Variants in AADAT observed in about 807,000 individuals in gnomAD.
The protein encoded by AADAT is kynurenine/alpha-aminoadipate aminotransferase, mitochondrial.
AADAT carries 25 observed loss-of-function variants against 56.2 expected under a neutral mutation model. That is an observed-to-expected ratio of 0.44 (90% CI 0.32 to 0.62). The LOEUF is 0.62. Among genes scored for constraint, AADAT ranks in the 20% least tolerant of loss-of-function variants. The pLI, the probability that AADAT is intolerant of heterozygous loss-of-function variation, is 0.04. For missense variants in AADAT, 387 were observed against 510.5 expected (o/e 0.76, Z 2.33); for synonymous variants, 173 against 164.7 (o/e 1.05, Z -0.39).
At chr4:170,088,172 T>G (rs1732652109) in intron 2 of AADAT, among the ~76,000 whole-genome samples, 1 of 151,928 alleles carries the variant, frequency 6.6e-6, no homozygotes, top group Admixed American at 6.6e-5. Context: ...CTGTTCTTAA[T>G]TATCCTTTGA....
Position 170,060,901 on chromosome 4 carries a change from C to A in AADAT, c.*27G>T. On this transcript the variant is annotated 3_prime_UTR_variant, in exon 13 of 13. Transcript: ENST00000337664. ...AAGTGCTGGGATTATAGGTGTGAGC[C>A]ACCATGCCCAACCTAGTTTAATTTC... The A allele has an allele frequency of 6.5e-7, 1 of 1,535,696 alleles. No individual in the cohort carries two copies. The highest frequency in any genetic ancestry group is 1.2e-5 in the South Asian group (1 of 82,782).
intron 4 of AADAT, 117 bp downstream of exon 4, chr4:170,078,391 TA>T (rs1384243348): frequency 1.8e-6 from 1 of 551,870 alleles, no homozygotes; most frequent in Non-Finnish European, 3.0e-6. Flanking sequence ...GTGGACAGAT[TA>T]TTTTAAAGTT....
rs76355601 is a variant in AADAT, at chr4:170,074,018, G to T, written c.445-673C>A. Among the ~76,000 whole-genome samples, 196 of 152,230 alleles carry T rather than the reference G, an allele frequency of 1.3e-3. 5 individuals are homozygous for T. The East Asian group carries it at 0.037, about 28-fold the overall frequency. On this transcript the variant is annotated intron_variant, in intron 4 of 12. Coordinates refer to ENST00000337664, the MANE Select transcript of AADAT (RefSeq NM_016228.4). ...CTGCTCTAAGATTGACCATGTTTCAGATAGAGATTGCTTCTGTCAATCTGG... is the reference window on the plus strand; with the variant it reads ...CTGCTCTAAGATTGACCATGTTTCATATAGAGATTGCTTCTGTCAATCTGG...
intron 4 of AADAT, among the ~76,000 whole-genome samples, chr4:170,076,393 A>C (rs750748153): frequency 3.3e-5 from 5 of 152,184 alleles, no homozygotes; most frequent in Non-Finnish European, 5.9e-5. Flanking sequence ...CACACATTGT[A>C]GAGTACTAAC....
At position 170,088,677 on chromosome 4, in the gene AADAT, G is replaced by A. The variant is rs1732684243; in HGVS notation, c.68-113C>T. 5 of 1,110,006 alleles carry A rather than the reference G, an allele frequency of 4.5e-6. No homozygotes were observed. In the South Asian group the frequency reaches 6.2e-5, roughly 14 times the overall value. The allele number at this position is 1,110,006 out of a possible 1,614,324, so 68.8% of individuals were successfully genotyped here. ...TAAAGTTTAACGATTTCTAGTGATA[G>A]AGTGTGCTATGGTCTAAATGTTGGT... On this transcript the variant is annotated intron_variant, in intron 1 of 12. Transcript: ENST00000337664.
intron 3 of AADAT, among the ~76,000 whole-genome samples, chr4:170,081,753 T>C (rs1732325817): frequency 6.6e-6 from 1 of 152,142 alleles, no homozygotes; most frequent in Admixed American, 6.5e-5. Context: ...TTAACCAGGC[T>C]GGGCTCGAAC....
At chr4:170,084,301 T>A (rs1331401915) in intron 3 of AADAT, among the ~76,000 whole-genome samples, 3 of 152,170 alleles carry the variant, frequency 2.0e-5, no homozygotes, top group African/African-American at 7.2e-5. Context: ...CTGAACTGTA[T>A]ACTTAAAAAT....
chr4:170,072,154 G>A (rs995718946), intron 5 of AADAT, among the ~76,000 whole-genome samples: 3 of 152,108 alleles, frequency 2.0e-5, no homozygotes, highest in Non-Finnish European at 4.4e-5. Context: ...TGGTGAGTAT[G>A]TAAACAGAGA....
At chr4:170,085,232 A>T (rs1415313136) in intron 3 of AADAT, among the ~76,000 whole-genome samples, 3 of 152,156 alleles carry the variant, frequency 2.0e-5, no homozygotes, top group Non-Finnish European at 4.4e-5. Flanking sequence ...GTTTTGGAGG[A>T]GTCAAAAGTT....
intron 11 of AADAT, 44 bp downstream of exon 11, chr4:170,064,675 T>C (rs1436330247): frequency 2.1e-6 from 3 of 1,446,972 alleles, no homozygotes; most frequent in Admixed American, 4.6e-5. Context: ...AGAAAAAGTA[T>C]AACTTTTCCT....
rs1467125404 is a variant in AADAT at position 170,089,681 on chromosome 4, C to T, written c.10G>A (p.Ala4Thr). The change falls in exon 1 of 13, where the codon GCA (alanine) becomes ACA (threonine). Residue 4 changes from alanine (A) to threonine (T), a missense_variant. By Grantham distance (58) the Ala-to-Thr change is moderately conservative (BLOSUM62 0). Coordinates refer to ENST00000337664, the MANE Select transcript of AADAT (RefSeq NM_016228.4). MNY[A>T]RFITAASAAR... ...GCGCTCGCTGCCGTGATGAACCGTG[C>T]GTAATTCATGTCTTCTGACAGCCAA... 5 of 1,614,144 alleles carry T rather than the reference C, an allele frequency of 3.1e-6. No individual in the cohort carries two copies. Among genetic ancestry groups the T allele is most frequent in the East Asian group, 2.2e-5 (1 of 44,872 alleles).
At chr4:170,063,288 A>C (rs1431536875) in intron 11 of AADAT, among the ~76,000 whole-genome samples, 1 of 152,222 alleles carries the variant, frequency 6.6e-6, no homozygotes, top group Non-Finnish European at 1.5e-5. Context: ...CAAAGTGGGG[A>C]TAAAGCTGGA....
At chr4:170,062,697 G>T (rs2111134841) in intron 11 of AADAT, among the ~76,000 whole-genome samples, 1 of 152,274 alleles carries the variant, frequency 6.6e-6, no homozygotes, top group Admixed American at 6.5e-5. Context: ...TTCTAGCTGT[G>T]TGTGACCATG....
At chr4:170,064,908 T>A in intron 10 of AADAT, 83 bp from the exon 11 acceptor site, 1 of 1,179,044 alleles carries the variant, frequency 8.5e-7, no homozygotes, top group Non-Finnish European at 1.2e-6. Flanking sequence ...ATGGCATAAG[T>A]ATAGTAAGTA....
chr4:170,083,295 A>G (rs1732402850), intron 3 of AADAT, among the ~76,000 whole-genome samples: 1 of 152,154 alleles, frequency 6.6e-6, no homozygotes, highest in African/African-American at 2.4e-5. Flanking sequence ...TGGGTCAATG[A>G]AAAATTCAGA....
chr4:170,093,400 C>T (rs964657580), upstream of AADAT, among the ~76,000 whole-genome samples: 7 of 152,084 alleles, frequency 4.6e-5, no homozygotes, highest in Admixed American at 6.5e-5. Context: ...CACGCCACTG[C>T]ACTCCAGTGG....
At chr4:170,079,038 C>G (rs1732170679) in intron 3 of AADAT, among the ~76,000 whole-genome samples, 1 of 152,138 alleles carries the variant, frequency 6.6e-6, no homozygotes, top group South Asian at 2.1e-4. Flanking sequence ...AGCAAAATGA[C>G]ATGGTTCTTA....
chr4:170,068,996 G>A (rs1475193783), intron 7 of AADAT, 152 bp downstream of exon 7: 26 of 626,814 alleles, frequency 4.1e-5, no homozygotes, highest in Non-Finnish European at 8.0e-6. Flanking sequence ...GGGAAAAAAA[G>A]GCCTGTGTTA....
At chr4:170,082,754 G>C (rs1450717359) in intron 3 of AADAT, among the ~76,000 whole-genome samples, 1 of 151,884 alleles carries the variant, frequency 6.6e-6, no homozygotes, top group African/African-American at 2.4e-5. Flanking sequence ...CCATGGAATT[G>C]GAAACCTAAA....
Sources: allele counts gnomAD v4.1 joint callset (sites outside exome capture counted in the v4.1 genomes callset), GRCh38; gene constraint gnomAD v4.1.1; transcripts MANE v1.5; gene names NCBI Gene and HGNC (gene_info 2026-07-23, HGNC 2026-07-21).